PAK5: variants seen among roughly 807,000 people sequenced by gnomAD.
PAK5 encodes the protein p21 (RAC1) activated kinase 5, also known as serine/threonine-protein kinase PAK 5.
Under a neutral mutation model 65.9 loss-of-function variants are expected in PAK5, and 16 were observed. That is an observed-to-expected ratio of 0.24 (90% CI 0.16 to 0.37). PAK5 has a LOEUF of 0.37. Among genes scored for constraint, PAK5 ranks in the 10% least tolerant of loss-of-function variants. PAK5 has a pLI of 1.00. For synonymous variants in PAK5, 371 were observed against 354.9 expected (o/e 1.05, Z -0.51); for missense variants, 785 against 903.9 (o/e 0.87, Z 1.69).
intron 1 of PAK5, among the ~76,000 whole-genome samples, chr20:9,734,244 T>C (rs1569064613): frequency 6.6e-6 from 1 of 152,172 alleles, no homozygotes; most frequent in South Asian, 2.1e-4. Context: ...GGTCTTTGTT[T>C]ACAAGAAGCT....
At position 9,566,066 on chromosome 20, in the gene PAK5, G is replaced by T. The variant is rs746777284; in HGVS notation, c.1309C>A (p.Gln437Lys). The change falls in exon 5 of 10, where the codon CAG (glutamine) becomes AAG (lysine). Residue 437 changes from glutamine to lysine, a missense_variant. Physicochemically the swap from Gln to Lys is moderately conservative, Grantham distance 53. Coordinates refer to ENST00000353224, the MANE Select transcript of PAK5 (RefSeq NM_177990.4). ...VSHEQFRAAL[Q>K]LVVSPGDPRE... ...GGGTCTCCTGGGCTGACCACCAGCT[G>T]CAGGGCCGCCCGAAACTGTTCATGG... 4.3e-6 allele frequency: 7 copies of T among 1,613,836 alleles called. No individual in the cohort carries two copies. Among genetic ancestry groups the T allele is most frequent in the South Asian group, 1.1e-5 (1 of 91,066 alleles).
chr20:9,686,597 C>G (rs1320288564), intron 2 of PAK5, among the ~76,000 whole-genome samples: 1 of 152,148 alleles, frequency 6.6e-6, no homozygotes, highest in African/African-American at 2.4e-5. Context: ...ATGATTACAG[C>G]TCCTGTGAAA....
At chr20:9,774,214 T>C (rs941180304) in intron 1 of PAK5, among the ~76,000 whole-genome samples, 3 of 152,098 alleles carry the variant, frequency 2.0e-5, no homozygotes, top group Non-Finnish European at 4.4e-5. Flanking sequence ...CTGAAAGAGC[T>C]TGGGGGAAAG....
chr20:9,796,719 T>C (rs1218346886), intron 1 of PAK5, among the ~76,000 whole-genome samples: 2 of 151,886 alleles, frequency 1.3e-5, no homozygotes, highest in Non-Finnish European at 2.9e-5. Context: ...TGGTCTAGAG[T>C]TGGGGCAGTG....
intron 1 of PAK5, among the ~76,000 whole-genome samples, chr20:9,782,149 T>A (rs1460515111): frequency 1.3e-5 from 2 of 152,114 alleles, no homozygotes; most frequent in East Asian, 3.9e-4. Flanking sequence ...GGGTGCCAGG[T>A]GCACTTGTGT....
intron 1 of PAK5, among the ~76,000 whole-genome samples, chr20:9,743,368 T>G (rs1373174190): frequency 6.7e-6 from 1 of 149,170 alleles, no homozygotes; most frequent in Non-Finnish European, 1.5e-5. Context: ...AGCAAGACTC[T>G]GTCTCAAAAC....
At chr20:9,753,750 G>A (rs1441587801) in intron 1 of PAK5, among the ~76,000 whole-genome samples, 6 of 152,064 alleles carry the variant, frequency 3.9e-5, no homozygotes, top group Non-Finnish European at 5.9e-5. Context: ...TCCCAAATAG[G>A]TGCTCATCTG....
At chr20:9,751,174 C>T (rs1045632020) in intron 1 of PAK5, among the ~76,000 whole-genome samples, 1 of 152,074 alleles carries the variant, frequency 6.6e-6, no homozygotes, top group Admixed American at 6.6e-5. Flanking sequence ...GGTAAAAGGT[C>T]CTCTAGTGTC....
At chr20:9,637,707 G>A (rs961653847) in intron 3 of PAK5, among the ~76,000 whole-genome samples, 1 of 151,994 alleles carries the variant, frequency 6.6e-6, no homozygotes, top group Non-Finnish European at 1.5e-5. Flanking sequence ...AAAAAAGCAA[G>A]TTAGAGATTA....
chr20:9,818,613 C>T (rs939843579), intron 1 of PAK5: 6 of 151,990 alleles, frequency 3.9e-5, no homozygotes, highest in Admixed American at 6.6e-5. Flanking sequence ...GCACATAGAC[C>T]GTAATATTCC....
intron 3 of PAK5, among the ~76,000 whole-genome samples, chr20:9,624,349 T>C (rs1267796540): frequency 6.6e-6 from 1 of 152,120 alleles, no homozygotes; most frequent in Non-Finnish European, 1.5e-5. Flanking sequence ...ACATCATGCC[T>C]AGCCCATGAC....
chr20:9,746,862 CG>C (rs1446152860), intron 1 of PAK5, among the ~76,000 whole-genome samples: 2 of 151,890 alleles, frequency 1.3e-5, no homozygotes, highest in Non-Finnish European at 2.9e-5. Context: ...AATAGAGACA[CG>C]AAAAACCCTT....
chr20:9,724,839 A>T (rs1228540726), intron 1 of PAK5, among the ~76,000 whole-genome samples: 1 of 152,176 alleles, frequency 6.6e-6, no homozygotes, highest in South Asian at 2.1e-4. Flanking sequence ...TTGCTAGCAC[A>T]GTAGCATAAT....
At chr20:9,733,637 G>A (rs2048357745) in intron 1 of PAK5, among the ~76,000 whole-genome samples, 1 of 152,078 alleles carries the variant, frequency 6.6e-6, no homozygotes, top group South Asian at 2.1e-4. Flanking sequence ...TAGAGACTGG[G>A]TTTCACCATA....
chr20:9,651,161 T>C (rs1287667096), intron 2 of PAK5, among the ~76,000 whole-genome samples: 1 of 152,194 alleles, frequency 6.6e-6, no homozygotes, highest in Non-Finnish European at 1.5e-5. Flanking sequence ...TTCTGCATTC[T>C]TGGGCAACTG....
At chr20:9,648,272 G>T (rs1163073870) in intron 2 of PAK5, among the ~76,000 whole-genome samples, 3 of 152,190 alleles carry the variant, frequency 2.0e-5, no homozygotes, top group East Asian at 1.9e-4. Context: ...GCTTTCAGAG[G>T]TCTTCTCCTA....
intron 7 of PAK5, among the ~76,000 whole-genome samples, chr20:9,550,149 G>A (rs1449079705): frequency 6.6e-6 from 1 of 152,178 alleles, no homozygotes; most frequent in African/African-American, 2.4e-5. Flanking sequence ...GGCCTGTGTG[G>A]GATGTGCAGG....
intron 3 of PAK5, among the ~76,000 whole-genome samples, chr20:9,640,747 G>A (rs1006494736): frequency 2.0e-5 from 3 of 151,970 alleles, no homozygotes; most frequent in Non-Finnish European, 2.9e-5. Context: ...GAGTGAAGCT[G>A]CAGACCTTCA....
At chr20:9,761,951 T>C (rs2048705208) in intron 1 of PAK5, among the ~76,000 whole-genome samples, 1 of 151,888 alleles carries the variant, frequency 6.6e-6, no homozygotes, top group South Asian at 2.1e-4. Context: ...AACCAAGACA[T>C]AAACCCCACA....
Sources: gnomAD v4.1 joint callset for allele counts (sites outside exome capture counted in the v4.1 genomes callset) on GRCh38, gnomAD v4.1.1 for gene constraint, MANE v1.5 for transcripts, NCBI Gene and HGNC (gene_info 2026-07-23, HGNC 2026-07-21) for gene names.